EYS: variants seen among roughly 807,000 people sequenced by gnomAD.
EYS encodes the protein protein eyes shut homolog.
A neutral mutation model predicts 282.1 loss-of-function variants in EYS; 250 were observed. The ratio of observed to expected loss-of-function variants is 0.89; its 90% CI spans 0.80 to 0.98. EYS has a LOEUF of 0.98. EYS is among the 50% of genes least tolerant of loss of function. The pLI is 0.00. For synonymous variants in EYS, 1,355 were observed against 1,282.9 expected, an observed-to-expected ratio of 1.06 and a Z score of -1.20; for missense variants, 4,016 against 3,709.0, an observed-to-expected ratio of 1.08 and a Z score of -2.15.
At chr6:65,080,314 A>T (rs1369201260) in intron 12 of EYS, among the ~76,000 whole-genome samples, 1 of 152,142 alleles carries the variant, frequency 6.6e-6, no homozygotes, top group Non-Finnish European at 1.5e-5. Context: ...AGAGAAAGGT[A>T]GTAACAATAA....
intron 33 of EYS, 94 bp downstream of exon 33, chr6:64,066,244 C>T (rs1771364231): frequency 8.7e-7 from 1 of 1,144,420 alleles, no homozygotes; most frequent in Non-Finnish European, 1.2e-6. Flanking sequence ...CACCACTGCG[C>T]TCCAGACTGG....
At chr6:65,568,444 C>T (rs185900535) in intron 2 of EYS, among the ~76,000 whole-genome samples, 3 of 151,960 alleles carry the variant, frequency 2.0e-5, no homozygotes, top group Non-Finnish European at 2.9e-5. Flanking sequence ...AGTCTATCTG[C>T]CTCATGTCAG....
At chr6:64,787,796 T>A (rs1435720266) in intron 22 of EYS, among the ~76,000 whole-genome samples, 1 of 151,192 alleles carries the variant, frequency 6.6e-6, no homozygotes, top group African/African-American at 2.4e-5. Flanking sequence ...TCTGTGTGGC[T>A]TTTCTTTGGG....
At chr6:64,343,606 G>C (rs910175699) in intron 29 of EYS, among the ~76,000 whole-genome samples, 3 of 152,062 alleles carry the variant, frequency 2.0e-5, no homozygotes, top group African/African-American at 7.2e-5. Context: ...GAGAAAGCAA[G>C]AAAGATCTAA....
intron 31 of EYS, among the ~76,000 whole-genome samples, chr6:64,218,984 G>A (rs1333474323): frequency 6.6e-6 from 1 of 152,166 alleles, no homozygotes; most frequent in African/African-American, 2.4e-5. Context: ...TTCCCTGAGA[G>A]CTGCTAAAGA....
chr6:64,881,802 T>A (rs1189337919), intron 19 of EYS, among the ~76,000 whole-genome samples: 1 of 151,888 alleles, frequency 6.6e-6, no homozygotes, highest in African/African-American at 2.4e-5. Flanking sequence ...CAATGTAAAC[T>A]CTGTAAGTTT....
At chr6:65,171,786 G>A (rs1765111245) in intron 12 of EYS, among the ~76,000 whole-genome samples, 1 of 151,428 alleles carries the variant, frequency 6.6e-6, no homozygotes, top group Non-Finnish European at 1.5e-5. Flanking sequence ...TTTTTAAAAT[G>A]TTTCTTGACA....
intron 33 of EYS, among the ~76,000 whole-genome samples, chr6:64,060,808 A>G (rs766531687): frequency 1.3e-5 from 2 of 152,180 alleles, no homozygotes; most frequent in East Asian, 3.8e-4. Context: ...TATGTCTACA[A>G]TGATTTCACT....
chr6:64,552,635 C>A (rs551350069), intron 26 of EYS, among the ~76,000 whole-genome samples: 1 of 152,208 alleles, frequency 6.6e-6, no homozygotes, highest in South Asian at 2.1e-4. Context: ...TTGAATTTGG[C>A]CTGGCAAGGT....
intron 14 of EYS, among the ~76,000 whole-genome samples, chr6:64,971,152 A>G (rs1770280028): frequency 6.6e-6 from 1 of 152,162 alleles, no homozygotes; most frequent in Non-Finnish European, 1.5e-5. Flanking sequence ...TTTTAGGAAG[A>G]GTTTGGCTTA....
At chr6:65,597,849 C>G (rs1765462070) in intron 2 of EYS, among the ~76,000 whole-genome samples, 1 of 152,016 alleles carries the variant, frequency 6.6e-6, no homozygotes. Flanking sequence ...ACCTGTAATC[C>G]CAATACTTTG....
chr6:64,306,877 T>C, intron 30 of EYS, 93 bp downstream of exon 30: 1 of 695,594 alleles, frequency 1.4e-6, no homozygotes, highest in Non-Finnish European at 2.5e-6. Context: ...CGAAATATAG[T>C]GCAGCCTTCA....
Position 65,680,086 on chromosome 6 carries a change from T to TCACACACACA in EYS, c.-448+27039_-448+27048dup, listed in dbSNP as rs10650454. ...ATATATATTATGCGCTCCTAAATTT[T>TCACACACACA]CACACACACACACACACACACACAC... On this transcript the variant is annotated intron_variant, in intron 1 of 42. Transcript: ENST00000503581. Among the ~76,000 whole-genome samples the TCACACACACA allele has an allele frequency of 9.5e-3, 1,401 of 147,370 alleles. 10 individuals carry two copies. Among genetic ancestry groups the TCACACACACA allele is most frequent in the African/African-American group, 0.024 (965 of 40,114 alleles).
At chr6:65,526,485 T>G (rs764398156) in intron 2 of EYS, among the ~76,000 whole-genome samples, 1 of 152,148 alleles carries the variant, frequency 6.6e-6, no homozygotes, top group Non-Finnish European at 1.5e-5. Context: ...CTAGCAAACA[T>G]TTGGAAACAC....
intron 12 of EYS, among the ~76,000 whole-genome samples, chr6:65,240,100 C>G (rs1288459804): frequency 6.6e-6 from 1 of 151,742 alleles, no homozygotes; most frequent in Non-Finnish European, 1.5e-5. Context: ...TCCCAAGTAG[C>G]TGGGACTACA....
chr6:65,018,458 G>T (rs906215781), intron 13 of EYS, among the ~76,000 whole-genome samples: 2 of 152,058 alleles, frequency 1.3e-5, no homozygotes, highest in Non-Finnish European at 2.9e-5. Flanking sequence ...TTTTGTTAAG[G>T]ACACCAGTTA....
intron 33 of EYS, among the ~76,000 whole-genome samples, chr6:64,036,772 A>G (rs1019795990): frequency 5.9e-5 from 9 of 152,240 alleles, no homozygotes; most frequent in African/African-American, 2.2e-4. Flanking sequence ...TACTTTGCCT[A>G]TATCTTCTCT....
chr6:63,994,127 C>T (rs1767727295), intron 34 of EYS, among the ~76,000 whole-genome samples: 2 of 151,900 alleles, frequency 1.3e-5, no homozygotes, highest in South Asian at 4.1e-4. Flanking sequence ...TGGCATATAT[C>T]TGAAAGATGT....
chr6:65,104,417 G>A (rs1035241163), intron 12 of EYS, among the ~76,000 whole-genome samples: 1 of 151,278 alleles, frequency 6.6e-6, no homozygotes, highest in African/African-American at 2.4e-5. Context: ...AAACCTCATA[G>A]TATCAAGCCC....
Sources: gnomAD v4.1 joint callset for allele counts (sites outside exome capture counted in the v4.1 genomes callset) on GRCh38, gnomAD v4.1.1 for gene constraint, MANE v1.5 for transcripts, NCBI Gene and HGNC (gene_info 2026-07-23, HGNC 2026-07-21) for gene names.